The following CCNY variants were observed in gnomAD, a reference collection of about 807,000 sequenced individuals.
The protein encoded by CCNY is cyclin-Y.
A neutral mutation model predicts 42.8 loss-of-function variants in CCNY; 19 were observed. The observed-to-expected ratio is 0.44, with a 90% CI of 0.31 to 0.65. The LOEUF (loss-of-function observed/expected upper bound fraction) is 0.65, where lower values mean the gene tolerates loss of function less well. Ranked by LOEUF, CCNY falls within the 30% of genes least tolerant of loss-of-function variation. The pLI, the probability that CCNY is intolerant of heterozygous loss-of-function variation, is 0.07. For synonymous variants in CCNY, 165 were observed against 162.7 expected, an observed-to-expected ratio of 1.01 and a Z score of -0.11; for missense variants, 370 against 437.3, an observed-to-expected ratio of 0.85 and a Z score of 1.37.
chr10:35,256,074 C>T (rs1009055980), intron 3 of CCNY, among the ~76,000 whole-genome samples: 13 of 152,260 alleles, frequency 8.5e-5, no homozygotes, highest in South Asian at 2.1e-4. Context: ...TCACTTCCAA[C>T]GGATTGTGTC....
At chr10:35,345,863 G>C (rs900808591) in intron 1 of CCNY, among the ~76,000 whole-genome samples, 2 of 152,306 alleles carry the variant, frequency 1.3e-5, no homozygotes, top group African/African-American at 4.8e-5. Context: ...TTACTCTTCT[G>C]AGTTGCATCT....
chr10:35,368,623 G>C (rs1265339283), intron 1 of CCNY, among the ~76,000 whole-genome samples: 1 of 138,964 alleles, frequency 7.2e-6, no homozygotes, highest in African/African-American at 2.9e-5. Flanking sequence ...CAGAGACACA[G>C]TGACTCCTCC....
At chr10:35,502,217 A>G (rs1050993888) in intron 3 of CCNY, among the ~76,000 whole-genome samples, 1 of 152,232 alleles carries the variant, frequency 6.6e-6, no homozygotes, top group Non-Finnish European at 1.5e-5. Context: ...GGCAAGTCCT[A>G]GCCACACCTT....
intron 3 of CCNY, among the ~76,000 whole-genome samples, chr10:35,274,023 A>G (rs1300667136): frequency 6.6e-6 from 1 of 152,164 alleles, no homozygotes; most frequent in Non-Finnish European, 1.5e-5. Context: ...AGGACTTGCC[A>G]TGTGTATTAG....
chr10:35,517,447 A>G (rs1564443013), intron 4 of CCNY, among the ~76,000 whole-genome samples: 1 of 152,250 alleles, frequency 6.6e-6, no homozygotes, highest in Non-Finnish European at 1.5e-5. Context: ...ATTTCACAAT[A>G]CATGTCAGCA....
intron 3 of CCNY, among the ~76,000 whole-genome samples, chr10:35,251,781 G>A (rs1364841609): frequency 6.6e-6 from 1 of 151,876 alleles, no homozygotes; most frequent in African/African-American, 2.4e-5. Flanking sequence ...TAGAGATGGA[G>A]TTTCATTATG....
At chr10:35,440,886 G>A (rs904645857) in intron 1 of CCNY, among the ~76,000 whole-genome samples, 2 of 152,190 alleles carry the variant, frequency 1.3e-5, no homozygotes, top group Admixed American at 1.3e-4. Context: ...AGATTTTCAC[G>A]TGTCATTGCT....
chr10:35,419,418 A>G (rs1838105748), intron 1 of CCNY, among the ~76,000 whole-genome samples: 1 of 152,106 alleles, frequency 6.6e-6, no homozygotes, highest in Non-Finnish European at 1.5e-5. Context: ...AGGTAGAAAG[A>G]GAAAGGTGGT....
intron 7 of CCNY, among the ~76,000 whole-genome samples, chr10:35,551,269 A>G (rs943814861): frequency 1.3e-5 from 2 of 152,234 alleles, no homozygotes; most frequent in Non-Finnish European, 2.9e-5. Context: ...CTAATGAAGT[A>G]ACAAGTGTGA....
chr10:35,365,412 A>C (rs1391757683), intron 1 of CCNY, among the ~76,000 whole-genome samples: 1 of 152,228 alleles, frequency 6.6e-6, no homozygotes, highest in Non-Finnish European at 1.5e-5. Flanking sequence ...TTGTTTTCCA[A>C]ATTCAAAATG....
In CCNY at chr10:35,476,280, A is replaced by G. The variant is rs1346897341; in HGVS notation, c.155-7124A>G. 7.8e-3 allele frequency among the ~76,000 whole-genome samples: 1,180 copies of G among 151,604 alleles called. 14 individuals carry two copies. Among genetic ancestry groups the G allele is most frequent in the African/African-American group, 0.027 (1,120 of 40,882 alleles). On this transcript the variant is annotated intron_variant, in intron 1 of 9. Transcript: ENST00000374704. ...AATTGAACTCGGCTCTGCACCAAGC[A>G]GACCTAATAGACATCTACAGAACTC...
chr10:35,375,913 A>G (rs1278770112), intron 1 of CCNY, among the ~76,000 whole-genome samples: 1 of 152,164 alleles, frequency 6.6e-6, no homozygotes, highest in East Asian at 1.9e-4. Context: ...GTGAGAATAG[A>G]GTGGTGGGCA....
intron 3 of CCNY, among the ~76,000 whole-genome samples, chr10:35,311,709 AGT>A (rs1835686366): frequency 8.4e-6 from 1 of 118,788 alleles, no homozygotes; most frequent in African/African-American, 3.1e-5. Context: ...TTTTTGGCTG[AGT>A]GTGGTGGCTC....
intron 1 of CCNY, among the ~76,000 whole-genome samples, chr10:35,416,521 G>A (rs1838029552): frequency 6.6e-6 from 1 of 152,150 alleles, no homozygotes; most frequent in South Asian, 2.1e-4. Context: ...TAATTCATGA[G>A]TTTGGGGAAG....
intron 3 of CCNY, among the ~76,000 whole-genome samples, chr10:35,292,403 G>A (rs1564360197): frequency 6.6e-6 from 1 of 151,874 alleles, no homozygotes; most frequent in African/African-American, 2.4e-5. Flanking sequence ...CACTCTTGTC[G>A]CCCAGGCTGG....
At chr10:35,528,649 C>T (rs185835527) in intron 5 of CCNY, among the ~76,000 whole-genome samples, 5 of 152,238 alleles carry the variant, frequency 3.3e-5, no homozygotes, top group Admixed American at 6.5e-5. Flanking sequence ...CGCTTGAACC[C>T]GGGAGGTGGA....
intron 1 of CCNY, among the ~76,000 whole-genome samples, chr10:35,398,165 T>C (rs1837565723): frequency 6.6e-6 from 1 of 152,140 alleles, no homozygotes; most frequent in African/African-American, 2.4e-5. Context: ...GGGGGTCCCG[T>C]CTGCTGCATG....
chr10:35,494,241 C>CA (rs1554794875), intron 2 of CCNY, among the ~76,000 whole-genome samples: 3 of 145,848 alleles, frequency 2.1e-5, no homozygotes, highest in East Asian at 2.0e-4. Context: ...GAGACCCCCC[C>CA]CCCCATTTCT....
At chr10:35,338,724 T>G (rs1836108273) in intron 1 of CCNY, among the ~76,000 whole-genome samples, 1 of 152,234 alleles carries the variant, frequency 6.6e-6, no homozygotes, top group African/African-American at 2.4e-5. Flanking sequence ...AATAATGTCT[T>G]CTTTATGATG....
Sources: gnomAD v4.1 joint callset for allele counts (sites outside exome capture counted in the v4.1 genomes callset) on GRCh38, gnomAD v4.1.1 for gene constraint, MANE v1.5 for transcripts, NCBI Gene and HGNC (gene_info 2026-07-23, HGNC 2026-07-21) for gene names.